Variants in ARHGEF17 observed in about 807,000 individuals in gnomAD.
ARHGEF17 encodes 164 kDa Rho-specific guanine-nucleotide exchange factor.
Under a neutral mutation model 174.0 loss-of-function variants are expected in ARHGEF17, and 80 were observed. That is an observed-to-expected ratio of 0.46 (90% CI 0.38 to 0.55). The LOEUF (loss-of-function observed/expected upper bound fraction) is 0.55, where lower values mean the gene tolerates loss of function less well. Among genes scored for constraint, ARHGEF17 ranks in the 20% least tolerant of loss-of-function variants. The pLI, the probability that ARHGEF17 is intolerant of heterozygous loss-of-function variation, is 0.00. For missense variants in ARHGEF17, 2,886 were observed against 2,839.7 expected (o/e 1.02, Z -0.37); for synonymous variants, 1,311 against 1,189.1 (o/e 1.10, Z -2.11).
intron 2 of ARHGEF17, among the ~76,000 whole-genome samples, chr11:73,350,995 C>T (rs1358339102): frequency 1.3e-5 from 2 of 152,216 alleles, no homozygotes; most frequent in African/African-American, 2.4e-5. Context: ...CCGTATTGGG[C>T]TCTCAGTCAT....
chr11:73,338,860 A>G (rs1019931219), intron 1 of ARHGEF17, among the ~76,000 whole-genome samples: 2 of 152,032 alleles, frequency 1.3e-5, no homozygotes, highest in Non-Finnish European at 2.9e-5. Flanking sequence ...CTAGTTTGTA[A>G]GAAGGGAGAG....
intron 1 of ARHGEF17, among the ~76,000 whole-genome samples, chr11:73,316,467 TA>T (rs920558812): frequency 1.3e-5 from 2 of 149,812 alleles, no homozygotes; most frequent in Admixed American, 1.3e-4. Flanking sequence ...GATAAGGGAG[TA>T]GAGAATGACA....
intron 3 of ARHGEF17, among the ~76,000 whole-genome samples, chr11:73,353,515 A>G (rs1865589829): frequency 6.6e-6 from 1 of 152,216 alleles, no homozygotes; most frequent in Admixed American, 6.5e-5. Context: ...ATTGTTCTAA[A>G]TGTGTTGTAT....
intron 1 of ARHGEF17, among the ~76,000 whole-genome samples, chr11:73,332,860 C>A (rs1024985467): frequency 1.3e-5 from 2 of 152,170 alleles, no homozygotes; most frequent in South Asian, 4.1e-4. Flanking sequence ...TAAAATAATA[C>A]CTGCAGAGCG....
At chr11:73,335,694 A>C (rs1282142658) in intron 1 of ARHGEF17, among the ~76,000 whole-genome samples, 1 of 152,200 alleles carries the variant, frequency 6.6e-6, no homozygotes, top group Non-Finnish European at 1.5e-5. Context: ...CACTGGAGCC[A>C]TAGGCTTAAT....
At chr11:73,344,608 C>T (rs948710473) in intron 1 of ARHGEF17, among the ~76,000 whole-genome samples, 1 of 152,202 alleles carries the variant, frequency 6.6e-6, no homozygotes. Flanking sequence ...CTCCCCACGC[C>T]GTCTCACTGA....
chr11:73,350,264 T>C (rs1417936209), intron 2 of ARHGEF17, among the ~76,000 whole-genome samples: 1 of 152,198 alleles, frequency 6.6e-6, no homozygotes, highest in African/African-American at 2.4e-5. Flanking sequence ...TTAGTTGACA[T>C]TCACTGAGTG....
In ARHGEF17 at chr11:73,311,073, G is replaced by A. The variant is rs746212686; in HGVS notation, c.2435G>A (p.Arg812His). Residue 812 changes from arginine (R) to histidine (H), a missense_variant, in exon 1 of 21, where the codon CGT becomes CAT. Arg to His is a conservative substitution (Grantham distance 29). Around this residue, in one of 4 missense-constraint regions of ARHGEF17, gnomAD observed 1,728 missense variants for 1,461.2 expected, o/e 1.18. Coordinates refer to ENST00000263674, the MANE Select transcript of ARHGEF17 (RefSeq NM_014786.4). ...SIVQGPGTLG[R>H]VVDDRIAGKA... ...GTTCAGGGGCCTGGCACCCTGGGGC[G>A]TGTGGTGGACGACAGGATTGCTGGC... 8.7e-5 allele frequency: 140 copies of A among 1,612,320 alleles called. No individual in the cohort carries two copies. The highest frequency in any genetic ancestry group is 4.0e-4 in the African/African-American group (30 of 74,874).
At chr11:73,355,313 C>T (rs1472058931) in intron 3 of ARHGEF17, among the ~76,000 whole-genome samples, 2 of 152,204 alleles carry the variant, frequency 1.3e-5, no homozygotes, top group South Asian at 2.1e-4. Flanking sequence ...AACAGTCACA[C>T]CCAGATAATA....
intron 1 of ARHGEF17, among the ~76,000 whole-genome samples, chr11:73,322,620 A>G (rs1306879773): frequency 6.6e-6 from 1 of 152,184 alleles, no homozygotes; most frequent in Admixed American, 6.5e-5. Flanking sequence ...AAGCCCCTGT[A>G]TGTGTCTGAG....
chr11:73,335,732 T>G (rs1865276857), intron 1 of ARHGEF17, among the ~76,000 whole-genome samples: 1 of 152,062 alleles, frequency 6.6e-6, no homozygotes, highest in Non-Finnish European at 1.5e-5. Context: ...GGAAGGAAGG[T>G]CAAGCTGTCC....
At chr11:73,324,951 C>G (rs1865077162) in intron 1 of ARHGEF17, among the ~76,000 whole-genome samples, 1 of 152,256 alleles carries the variant, frequency 6.6e-6, no homozygotes, top group South Asian at 2.1e-4. Flanking sequence ...AGGGACCCTT[C>G]TCTTGGTGCT....
At chr11:73,351,884 C>T (rs1011287433) in intron 2 of ARHGEF17, among the ~76,000 whole-genome samples, 4 of 152,154 alleles carry the variant, frequency 2.6e-5, no homozygotes. Flanking sequence ...CGCCCTGCCG[C>T]ATTATCGCCT....
rs1262123861 is a variant in ARHGEF17 at position 73,364,220 on chromosome 11, G to A, written c.5382G>A (p.Val1794=). ...VFVSLANGEL[V]VYQREAGHFW... ...TGTCTCTGGCCAATGGAGAGCTTGT[G>A]GTCTACCAAAGGGAAGCAGGTGAGT... is the stretch of plus-strand genomic sequence containing the variant. Residue 1794 remains valine (V), a synonymous_variant, in exon 17 of 21, where the codon GTG becomes GTA. Coordinates refer to ENST00000263674, the MANE Select transcript of ARHGEF17 (RefSeq NM_014786.4). 3 of 1,614,152 alleles carry A rather than the reference G, an allele frequency of 1.9e-6. No individual in the cohort carries two copies. The highest frequency in any genetic ancestry group is 1.1e-5 in the South Asian group (1 of 91,086).
intron 1 of ARHGEF17, among the ~76,000 whole-genome samples, chr11:73,329,358 TATATATATATATA>T (rs1303187430): frequency 0.014 from 328 of 22,648 alleles, 68 homozygotes; most frequent in Non-Finnish European, 0.018. Context: ...TATATATATA[TATATATATATATA>T]TATTTTTTTT....
At chr11:73,343,604 G>A (rs894158101) in intron 1 of ARHGEF17, among the ~76,000 whole-genome samples, 4 of 152,174 alleles carry the variant, frequency 2.6e-5, no homozygotes, top group African/African-American at 9.7e-5. Flanking sequence ...GGTGGCCCTG[G>A]TGTATGTGTG....
At chr11:73,342,093 C>T (rs1034039087) in intron 1 of ARHGEF17, among the ~76,000 whole-genome samples, 1 of 151,766 alleles carries the variant, frequency 6.6e-6, no homozygotes, top group Non-Finnish European at 1.5e-5. Context: ...GGTGCACAGT[C>T]TAGGTACGGG....
Position 73,364,441 on chromosome 11 carries a change from C to T in ARHGEF17, c.5402-11C>T. 6.2e-7 allele frequency: 1 copy of T among 1,613,244 alleles called. No individual in the cohort carries two copies. Among genetic ancestry groups the T allele is most frequent in the Non-Finnish European group, 8.5e-7 (1 of 1,179,960 alleles). On this transcript the variant is annotated splice_polypyrimidine_tract_variant and intron_variant, in intron 17 of 20. Transcript: ENST00000263674. ...TGGAGTGAATTTCCTGTTTTCTTTA[C>T]CCCACTCCAGGCCATTTCTGGGACC...
Position 73,366,067 on chromosome 11 carries a change from C to A in ARHGEF17, c.5995+120C>A, listed in dbSNP as rs974185991. 2.3e-6 allele frequency: 3 copies of A among 1,315,140 alleles called. No individual in the cohort carries two copies. The African/African-American group carries it at 4.4e-5, about 19-fold the overall frequency. 81.5% of individuals were successfully genotyped at this position (1,315,140 alleles called of 1,614,324 possible). On this transcript the variant is annotated intron_variant, in intron 20 of 20. Coordinates refer to ENST00000263674, the MANE Select transcript of ARHGEF17 (RefSeq NM_014786.4). Reference sequence around the variant, plus strand: ...AAGTGTCACATAGAGCTGGAGGTGGCATATGTGACAGGAAATACACCACGG... The same window carrying A: ...AAGTGTCACATAGAGCTGGAGGTGGAATATGTGACAGGAAATACACCACGG...
Sources: allele counts gnomAD v4.1 joint callset (sites outside exome capture counted in the v4.1 genomes callset), GRCh38; gene constraint gnomAD v4.1.1; regional missense constraint gnomAD v4.1.1; transcripts MANE v1.5; gene names NCBI Gene and HGNC (gene_info 2026-07-23, HGNC 2026-07-21).